The following PSMG1 variants were observed in gnomAD, a reference collection of about 807,000 sequenced individuals.
PSMG1 encodes the protein Down syndrome critical region gene 2.
PSMG1 carries 23 observed loss-of-function variants against 37.2 expected under a neutral mutation model. The ratio of observed to expected loss-of-function variants is 0.62; its 90% CI spans 0.44 to 0.88. The LOEUF is 0.88. Ranked by LOEUF, PSMG1 falls within the 40% of genes least tolerant of loss-of-function variation. PSMG1 has a pLI of 0.00. For missense variants in PSMG1, 340 were observed against 344.2 expected, an observed-to-expected ratio of 0.99 and a Z score of 0.10; for synonymous variants, 127 against 128.0, an observed-to-expected ratio of 0.99 and a Z score of 0.05.
chr21:39,176,282 G>C (rs1353893483), intron 6 of PSMG1, among the ~76,000 whole-genome samples: 1 of 152,150 alleles, frequency 6.6e-6, no homozygotes, highest in African/African-American at 2.4e-5. Context: ...ATTCATAAAA[G>C]CTGAGTTTCC....
rs774270699 is a variant in PSMG1 at position 39,178,505 on chromosome 21, G to C, written c.599C>G (p.Ser200Trp). ...RALKTQNFKD[S>W]ACCPLLEQPN... ...TTGTTCTAGCAATGGACAACACGCC[G>C]AGTCTTTGAAATTCTGTGTTTTTAG... Residue 200 changes from serine to tryptophan, a missense_variant, in exon 5 of 7, where the codon TCG becomes TGG. By Grantham distance (177) the Ser-to-Trp change is radical. Transcript: ENST00000331573. 17 of 1,613,998 alleles carry C rather than the reference G, an allele frequency of 1.1e-5. No individual in the cohort carries two copies. Among genetic ancestry groups the C allele is most frequent in the Admixed American group, 3.3e-5 (2 of 59,992 alleles).
intron 2 of PSMG1, 70 bp from the exon 3 acceptor site, chr21:39,180,506 A>AGG: frequency 1.4e-6 from 2 of 1,428,810 alleles, no homozygotes; most frequent in Admixed American, 4.8e-5. Context: ...ATAAAAAGTA[A>AGG]GCTCAAGTTA....
chr21:39,183,226 G>C, intron 1 of PSMG1, 26 bp downstream of exon 1: 2 of 1,553,070 alleles, frequency 1.3e-6, no homozygotes, highest in Non-Finnish European at 8.7e-7. Flanking sequence ...TGCGGTGAGC[G>C]CGCTGCCCTT....
chr21:39,182,125 C>A (rs1206044331), intron 1 of PSMG1, among the ~76,000 whole-genome samples: 4 of 152,236 alleles, frequency 2.6e-5, no homozygotes, highest in African/African-American at 9.6e-5. Flanking sequence ...CCAATCTTAG[C>A]ATCCCTAAAA....
chr21:39,175,473 T>G lies in PSMG1; in HGVS notation c.*117A>C. Reference sequence around the variant, plus strand: ...AAAACTACAATTAATTTTTTACAATTTTATTCCGTTTCATCATTCTCAAAA... The same window carrying G: ...AAAACTACAATTAATTTTTTACAATGTTATTCCGTTTCATCATTCTCAAAA... On this transcript the variant is annotated 3_prime_UTR_variant, in exon 7 of 7. Coordinates refer to ENST00000331573, the MANE Select transcript of PSMG1 (RefSeq NM_003720.4). The G allele has an allele frequency of 7.4e-7, 1 of 1,359,250 alleles. No homozygotes were observed. Among genetic ancestry groups the G allele is most frequent in the Non-Finnish European group, 9.5e-7 (1 of 1,047,192 alleles). The allele number at this position is 1,359,250 out of a possible 1,614,324, so 84.2% of individuals were successfully genotyped here.
chr21:39,175,902 G>A (rs1023111962), intron 6 of PSMG1, among the ~76,000 whole-genome samples: 1 of 152,108 alleles, frequency 6.6e-6, no homozygotes, highest in Non-Finnish European at 1.5e-5. Flanking sequence ...GGCCTCTGGA[G>A]GAAGTCTATG....
Position 39,183,380 on chromosome 21 carries a change from C to T in PSMG1, c.6G>A (p.Ala2=). Residue 2 remains alanine, a synonymous_variant, in exon 1 of 7, where the codon GCG becomes GCA. Coordinates refer to ENST00000331573, the MANE Select transcript of PSMG1 (RefSeq NM_003720.4). M[A]ATFFGEVVKA... ...TCACCACCTCTCCGAAGAACGTGGC[C>T]GCCATAGCCGCCCCGTGACCGGCTG... 6.3e-7 allele frequency: 1 copy of T among 1,576,044 alleles called. No individual in the cohort carries two copies. Among genetic ancestry groups the T allele is most frequent in the Non-Finnish European group, 8.6e-7 (1 of 1,165,286 alleles).
rs979370208 is a variant in PSMG1 at position 39,183,242 on chromosome 21, G to A, written c.134+10C>T. ...GCGGTGAGCGCGCTGCCCTTATCCC[G>A]GTGCCTCACCTCTTCCGCGCCAGCT... On this transcript the variant is annotated intron_variant, in intron 1 of 6. Coordinates refer to ENST00000331573, the MANE Select transcript of PSMG1 (RefSeq NM_003720.4). 3.8e-6 allele frequency: 6 copies of A among 1,574,676 alleles called. No homozygotes were observed. In the Admixed American group the frequency reaches 7.0e-5, roughly 18 times the overall value.
chr21:39,177,818 T>C (rs2030682772), intron 5 of PSMG1, among the ~76,000 whole-genome samples: 1 of 152,182 alleles, frequency 6.6e-6, no homozygotes, highest in East Asian at 1.9e-4. Context: ...GCTGAGATGA[T>C]TTAAGTAGCT....
chr21:39,181,381 CCGCCT>C (rs1445687417), intron 2 of PSMG1, among the ~76,000 whole-genome samples: 1 of 151,924 alleles, frequency 6.6e-6, no homozygotes, highest in East Asian at 2.0e-4. Context: ...AGTGATCCTC[CCGCCT>C]CGGCCTCCCA....
chr21:39,177,563 A>T lies in PSMG1; in HGVS notation c.664T>A (p.Tyr222Asn), dbSNP rs1403740620. The T allele has an allele frequency of 2.6e-6, 4 of 1,557,654 alleles. No homozygotes were observed. The South Asian group carries it at 5.0e-5, about 19-fold the overall frequency. Residue 222 changes from tyrosine to asparagine, a missense_variant, in exon 6 of 7, where the codon TAC becomes AAC. Transcript: ENST00000331573. ...VHDLPAAVLSYCQVWKIPAIL... is the reference protein window; with the variant it reads ...VHDLPAAVLSNCQVWKIPAIL... ...GCTGGGATTTTCCATACTTGACAGT[A>T]GCTTAGAACTATGAATACACAAGAA...
At chr21:39,177,633 C>T (rs955019410) in intron 5 of PSMG1, 62 bp from the exon 6 acceptor site, 8 of 1,310,732 alleles carry the variant, frequency 6.1e-6, no homozygotes, top group Non-Finnish European at 8.1e-6. Flanking sequence ...TTAAATTAAA[C>T]ACCTTTAAAT....
At chr21:39,179,118 T>A (rs992655266) in intron 4 of PSMG1, among the ~76,000 whole-genome samples, 5 of 151,944 alleles carry the variant, frequency 3.3e-5, no homozygotes, top group Non-Finnish European at 7.4e-5. Context: ...ATCTGCCTGC[T>A]CCCCCTTCAC....
In PSMG1 at chr21:39,180,309, A is replaced by G. The variant is rs1255946137; in HGVS notation, c.369T>C (p.Phe123=). 2 of 1,606,086 alleles carry G rather than the reference A, an allele frequency of 1.2e-6. No homozygotes were observed. The highest frequency in any genetic ancestry group is 3.4e-5 in the Admixed American group (2 of 58,258). Residue 123 remains phenylalanine, a synonymous_variant, in exon 3 of 7, where the codon TTT becomes TTC. Transcript: ENST00000331573. ...HLSSTEAFCV[F]YHLKSNPSVF... ...CCGAGGGATTGGATTTTAGATGATA[A>G]AACACACAAAAAGCCTCTGTGGAGG...
At chr21:39,178,738 C>T in intron 4 of PSMG1, 91 bp from the exon 5 acceptor site, 1 of 1,166,382 alleles carries the variant, frequency 8.6e-7, no homozygotes, top group Non-Finnish European at 1.2e-6. Flanking sequence ...ACACCACAGA[C>T]AATAATAGCA....
upstream of PSMG1, chr21:39,183,479 G>T: frequency 7.0e-7 from 1 of 1,418,974 alleles, no homozygotes; most frequent in South Asian, 1.4e-5. Flanking sequence ...CGGGCAATAA[G>T]TCCCGCCCCG....
At chr21:39,181,919 T>A (rs6517522) in intron 1 of PSMG1, 41 bp from the exon 2 acceptor site, 1 of 1,397,286 alleles carries the variant, frequency 7.2e-7, no homozygotes, top group South Asian at 1.3e-5. Flanking sequence ...AACTTCAATA[T>A]AAACAGTATC....
rs1434126534 is a variant in PSMG1 at position 39,175,565 on chromosome 21, A to G, written c.*25T>C. On this transcript the variant is annotated 3_prime_UTR_variant, in exon 7 of 7. Transcript: ENST00000331573. ...CCCCTTAAAGGAATGGACAAGTAAT[A>G]TACACTACAAAACAATGTTTAAGAT... The G allele has an allele frequency of 1.9e-6, 3 of 1,582,938 alleles. No individual in the cohort carries two copies. The highest frequency in any genetic ancestry group is 2.6e-6 in the Non-Finnish European group (3 of 1,153,282).
At chr21:39,180,152 TG>T in intron 3 of PSMG1, 132 bp downstream of exon 3, 1 of 1,258,024 alleles carries the variant, frequency 7.9e-7, no homozygotes. Flanking sequence ...AAACCACTAC[TG>T]GTGATTAGTA....
Sources: gnomAD v4.1 joint callset for allele counts (sites outside exome capture counted in the v4.1 genomes callset) on GRCh38, gnomAD v4.1.1 for gene constraint, MANE v1.5 for transcripts, NCBI Gene and HGNC (gene_info 2026-07-23, HGNC 2026-07-21) for gene names.